Variants in NDUFAF6 observed in about 807,000 individuals in gnomAD.
NDUFAF6 encodes NADH:ubiquinone oxidoreductase complex assembly factor 6, also known as NADH dehydrogenase (ubiquinone) complex I, assembly factor 6.
A neutral mutation model predicts 40.8 loss-of-function variants in NDUFAF6; 45 were observed. The ratio of observed to expected loss-of-function variants is 1.10; its 90% CI spans 0.87 to 1.42. NDUFAF6 has a LOEUF of 1.42. NDUFAF6 is among the 40% of genes most tolerant of loss of function. The pLI is 0.00. For synonymous variants in NDUFAF6, 185 were observed against 155.9 expected (o/e 1.19, Z -1.39); for missense variants, 435 against 418.5 (o/e 1.04, Z -0.34).
chr8:95,057,999 A>T lies in NDUFAF6; in HGVS notation c.*62A>T, dbSNP rs1210212812. On this transcript the variant is annotated 3_prime_UTR_variant, in exon 9 of 9. Coordinates refer to ENST00000396124, the MANE Select transcript of NDUFAF6 (RefSeq NM_152416.4). ...TAGTTTTATAAAAGTTAGGATTCTT[A>T]TTTAGGAACAACAGGAAATGACTGT... 2.6e-6 allele frequency: 4 copies of T among 1,526,710 alleles called. No homozygotes were observed. The highest frequency in any genetic ancestry group is 2.7e-6 in the Non-Finnish European group (3 of 1,123,462). 94.6% of individuals were successfully genotyped at this position (1,526,710 alleles called of 1,614,324 possible). A position where few individuals can be genotyped will look rare whatever the true frequency, so the allele number is the denominator to read the frequency against.
At chr8:94,979,799 G>C (rs914058258) in intron 1 of NDUFAF6, among the ~76,000 whole-genome samples, 5 of 152,114 alleles carry the variant, frequency 3.3e-5, no homozygotes, top group African/African-American at 1.2e-4. Context: ...ATCCATAGAA[G>C]ACAGGCCGGA....
chr8:94,951,193 CTA>C (rs1160337789), intron 2 of NDUFAF6: 1 of 152,166 alleles, frequency 6.6e-6, no homozygotes, highest in Non-Finnish European at 1.5e-5. Context: ...CAGGGAGAGG[CTA>C]TGTGAAAAGA....
chr8:95,081,811 C>T (rs1808878886), intron 2 of NDUFAF6, among the ~76,000 whole-genome samples: 1 of 152,204 alleles, frequency 6.6e-6, no homozygotes, highest in African/African-American at 2.4e-5. Context: ...CCTGTAATCC[C>T]AGCACTTTGG....
rs1832916351 is a variant in NDUFAF6, at chr8:95,072,949, C to A, written c.*512-2684C>A. 3.9e-5 allele frequency: 6 copies of A among 154,038 alleles called. No homozygotes were observed. In the Middle Eastern group the frequency reaches 4.7e-3, roughly 120 times the overall value. The allele number at this position is 154,038 out of a possible 1,614,324, so 9.5% of individuals were successfully genotyped here. On this transcript the variant is annotated intron_variant and NMD_transcript_variant, in intron 9 of 9. Transcript: ENST00000520757. The stretch of plus-strand genomic sequence containing the variant: ...CCAACCTCGACGATCTCCTCAGCAC[C>A]TGAACGCCAAGGCTGGGGAGATCCT...
chr8:94,942,657 G>A (rs999230470), intron 1 of NDUFAF6, among the ~76,000 whole-genome samples: 1 of 152,218 alleles, frequency 6.6e-6, no homozygotes, highest in Non-Finnish European at 1.5e-5. Flanking sequence ...TGTGAACAGG[G>A]CCCTCCCACA....
At chr8:95,049,833 A>G (rs1831232849) in intron 7 of NDUFAF6, among the ~76,000 whole-genome samples, 1 of 151,950 alleles carries the variant, frequency 6.6e-6, no homozygotes, top group African/African-American at 2.4e-5. Context: ...TTGCCTCCCC[A>G]CTTCATTGGA....
At chr8:95,025,681 T>C (rs1337537422) in intron 1 of NDUFAF6, among the ~76,000 whole-genome samples, 1 of 152,224 alleles carries the variant, frequency 6.6e-6, no homozygotes, top group Non-Finnish European at 1.5e-5. Context: ...TCCTGGCATA[T>C]AGTAAGGGCA....
intron 9 of NDUFAF6, among the ~76,000 whole-genome samples, chr8:95,071,188 A>C (rs1832838000): frequency 6.6e-6 from 1 of 151,856 alleles, no homozygotes; most frequent in Non-Finnish European, 1.5e-5. Flanking sequence ...CAGGAAATCA[A>C]GACCATCCTG....
chr8:94,941,111 G>T (rs1412152636), intron 1 of NDUFAF6: 1 of 586,212 alleles, frequency 1.7e-6, no homozygotes, highest in Non-Finnish European at 3.0e-6. Flanking sequence ...AACAGAAAAA[G>T]GAAGTTATTT....
rs553308630 is a variant in NDUFAF6 at position 95,074,270 on chromosome 8, G to A, written c.*512-1363G>A. On this transcript the variant is annotated intron_variant and NMD_transcript_variant, in intron 9 of 9. Transcript: ENST00000520757. ...GCTGATTAGTCTCAACGTTTTCAGG[G>A]CCACATACAAGTAGGGCCCTGAAAA... Among the ~76,000 whole-genome samples, 5 of 152,208 alleles carry A rather than the reference G, an allele frequency of 3.3e-5. No homozygotes were observed. The South Asian group carries it at 8.3e-4, about 25-fold the overall frequency.
At chr8:95,117,856 G>A (rs1165799171), downstream of NDUFAF6, among the ~76,000 whole-genome samples, 1 of 152,202 alleles carries the variant, frequency 6.6e-6, no homozygotes, top group Non-Finnish European at 1.5e-5. Context: ...TCACTGCATG[G>A]ATATCAGCTG....
intron 1 of NDUFAF6, chr8:94,927,807 G>C (rs1195344190): frequency 6.6e-6 from 1 of 152,322 alleles, no homozygotes; most frequent in Admixed American, 6.6e-5. Context: ...AACATTCTAT[G>C]TTAACAGTTT....
Position 95,094,685 on chromosome 8 carries a change from G to A in NDUFAF6, n.214-6447G>A, listed in dbSNP as rs182815081. On this transcript the variant is annotated intron_variant and non_coding_transcript_variant, in intron 2 of 5. Coordinates refer to the NDUFAF6 transcript ENST00000523184. ...CCACCTCGGCCTCCCAGAGTGTTGA[G>A]ATTACAGGCGTGGGCCTCTGCGTCT... Among the ~76,000 whole-genome samples the A allele has an allele frequency of 1.3e-3, 197 of 151,034 alleles. 2 individuals are homozygous for A. Among genetic ancestry groups the A allele is most frequent in the Middle Eastern group, 3.5e-3 (1 of 284 alleles).
chr8:95,096,891 T>G (rs1208582629), upstream of NDUFAF6, among the ~76,000 whole-genome samples: 2 of 152,192 alleles, frequency 1.3e-5, no homozygotes, highest in African/African-American at 4.8e-5. Flanking sequence ...GTTGGTTCTG[T>G]GTTTGCCATT....
intron 7 of NDUFAF6, among the ~76,000 whole-genome samples, chr8:95,050,541 C>T (rs992169588): frequency 6.6e-6 from 1 of 152,056 alleles, no homozygotes; most frequent in African/African-American, 2.4e-5. Context: ...ATTTTAGCAC[C>T]CAGCTTAAAG....
Position 94,970,253 on chromosome 8 carries a change from C to CAAAAAAA in NDUFAF6, c.-198-10592_-198-10586dup, listed in dbSNP as rs891358442. 6.4e-5 allele frequency among the ~76,000 whole-genome samples: 4 copies of CAAAAAAA among 62,844 alleles called. 2 individuals carry two copies. Among genetic ancestry groups the CAAAAAAA allele is most frequent in the Non-Finnish European group, 6.0e-5 (2 of 33,246 alleles). 41.2% of individuals were successfully genotyped at this position (62,844 alleles called of 152,430 possible). A position where few individuals can be genotyped will look rare whatever the true frequency, so the allele number is the denominator to read the frequency against. On this transcript the variant is annotated intron_variant, in intron 1 of 9. Coordinates refer to the NDUFAF6 transcript ENST00000396111. The stretch of plus-strand genomic sequence containing the variant: ...CTGGTGACAGAGCAAGACTCCGTCT[C>CAAAAAAA]AAAAAAAAAAAAAAAAAAAAGAAGA...
intron 1 of NDUFAF6, among the ~76,000 whole-genome samples, chr8:94,914,103 CT>C (rs563687562): frequency 0.034 from 3,308 of 98,188 alleles, 25 homozygotes; most frequent in African/African-American, 0.049. Flanking sequence ...GACCTTATCT[CT>C]TTTTTTTTTT....
At chr8:94,985,467 T>TTTTATATATATATA (rs1158887739) in intron 2 of NDUFAF6, among the ~76,000 whole-genome samples, 7 of 28,600 alleles carry the variant, frequency 2.4e-4, no homozygotes, top group Non-Finnish European at 4.1e-4. Flanking sequence ...AAAACAATAA[T>TTTTATATATATATA]TATATATATA....
At chr8:95,036,205 A>AAGC in intron 3 of NDUFAF6, 1 of 979,374 alleles carries the variant, frequency 1.0e-6, no homozygotes, top group Admixed American at 3.7e-5. Context: ...CCTCACTCAT[A>AAGC]AGCAGCCACA....
Sources: allele counts gnomAD v4.1 joint callset (sites outside exome capture counted in the v4.1 genomes callset), GRCh38; gene constraint gnomAD v4.1.1; transcripts MANE v1.5; gene names NCBI Gene and HGNC (gene_info 2026-07-23, HGNC 2026-07-21).